The following CCDC178 variants were observed in gnomAD, a reference collection of about 807,000 sequenced individuals.
CCDC178 encodes coiled-coil domain-containing protein 178.
In CCDC178, 126 loss-of-function variants were observed where a neutral mutation model predicts 117.4. The observed-to-expected ratio is 1.07, with a 90% confidence interval of 0.93 to 1.24. The LOEUF (loss-of-function observed/expected upper bound fraction) is 1.24, where lower values mean the gene tolerates loss of function less well. Among genes scored for constraint, CCDC178 ranks in the 50% most tolerant of loss-of-function variants. The pLI is 0.00. For synonymous variants in CCDC178, 283 were observed against 313.4 expected (o/e 0.90, Z 1.02); for missense variants, 1,030 against 986.9 (o/e 1.04, Z -0.59).
intron 11 of CCDC178, among the ~76,000 whole-genome samples, chr18:33,313,728 C>T (rs1184820042): frequency 6.6e-6 from 1 of 152,110 alleles, no homozygotes; most frequent in Non-Finnish European, 1.5e-5. Flanking sequence ...CCTTAATACC[C>T]ACCCTGCATG....
intron 15 of CCDC178, among the ~76,000 whole-genome samples, chr18:33,238,319 A>G (rs1177358860): frequency 1.3e-5 from 2 of 152,162 alleles, no homozygotes; most frequent in African/African-American, 2.4e-5. Flanking sequence ...AAAGAAATAT[A>G]TAAAATGCCA....
intron 20 of CCDC178, among the ~76,000 whole-genome samples, chr18:33,103,731 T>C (rs2057663154): frequency 6.6e-6 from 1 of 151,756 alleles, no homozygotes; most frequent in East Asian, 1.9e-4. Context: ...AAGTGGTTCA[T>C]AGAGGTCTTG....
chr18:33,261,174 C>T (rs112522674), intron 14 of CCDC178, among the ~76,000 whole-genome samples: 8 of 152,078 alleles, frequency 5.3e-5, no homozygotes, highest in Non-Finnish European at 1.0e-4. Flanking sequence ...AGCTCCGCCT[C>T]CTGGGTTCAC....
intron 21 of CCDC178, among the ~76,000 whole-genome samples, chr18:33,089,921 A>T (rs1022941805): frequency 6.6e-6 from 1 of 152,102 alleles, no homozygotes; most frequent in African/African-American, 2.4e-5. Context: ...TAATTTTGAC[A>T]TCTGAGAAGT....
intron 12 of CCDC178, among the ~76,000 whole-genome samples, chr18:33,271,906 A>G (rs540742458): frequency 6.6e-6 from 1 of 151,702 alleles, no homozygotes; most frequent in East Asian, 1.9e-4. Context: ...TATTGGATGA[A>G]GTTAGAGCAG....
At chr18:33,357,694 C>T (rs1485979248) in intron 6 of CCDC178, among the ~76,000 whole-genome samples, 1 of 151,980 alleles carries the variant, frequency 6.6e-6, no homozygotes, top group East Asian at 1.9e-4. Flanking sequence ...ATCAAAAATG[C>T]AAAACCAGAA....
At position 33,308,227 on chromosome 18, in the gene CCDC178, G is replaced by A. The variant is rs115775041; in HGVS notation, c.1023-14915C>T. ...GGTGTGGAGCTGCCCAAGGCCATGGGAGGCCACCTCTTGCAACAGCATGCC... is the reference window on the plus strand; with the variant it reads ...GGTGTGGAGCTGCCCAAGGCCATGGAAGGCCACCTCTTGCAACAGCATGCC... On this transcript the variant is annotated intron_variant, in intron 11 of 22. Transcript: ENST00000383096. Among the ~76,000 whole-genome samples the A allele has an allele frequency of 2.4e-3, 368 of 152,350 alleles. 2 individuals carry two copies. Among genetic ancestry groups the A allele is most frequent in the African/African-American group, 8.2e-3 (342 of 41,588 alleles).
intron 21 of CCDC178, among the ~76,000 whole-genome samples, chr18:32,997,994 G>A (rs1463819186): frequency 1.3e-5 from 2 of 152,184 alleles, no homozygotes; most frequent in African/African-American, 2.4e-5. Context: ...CACACAAAAT[G>A]TACCTTCATA....
At chr18:33,260,940 C>A (rs1200440844) in intron 14 of CCDC178, among the ~76,000 whole-genome samples, 1 of 151,966 alleles carries the variant, frequency 6.6e-6, no homozygotes, top group African/African-American at 2.4e-5. Flanking sequence ...ACATGAGTAA[C>A]GAGTCATTTT....
At chr18:33,137,077 G>C (rs894074896) in intron 20 of CCDC178, among the ~76,000 whole-genome samples, 3 of 152,130 alleles carry the variant, frequency 2.0e-5, no homozygotes, top group Non-Finnish European at 4.4e-5. Context: ...AGAGTTAAGA[G>C]AGTGAGAGCC....
intron 20 of CCDC178, among the ~76,000 whole-genome samples, chr18:33,177,736 T>C (rs1455749860): frequency 6.6e-6 from 1 of 152,220 alleles, no homozygotes. Context: ...GAAATATGGC[T>C]TCTTCCTCCA....
chr18:33,316,385 T>G (rs1262455937), intron 11 of CCDC178, among the ~76,000 whole-genome samples: 1 of 152,100 alleles, frequency 6.6e-6, no homozygotes, highest in Non-Finnish European at 1.5e-5. Flanking sequence ...CTGCGCTCGA[T>G]TTCTCCCCGG....
intron 21 of CCDC178, among the ~76,000 whole-genome samples, chr18:33,067,931 T>C (rs974682747): frequency 2.0e-5 from 3 of 151,876 alleles, no homozygotes; most frequent in Non-Finnish European, 2.9e-5. Context: ...CAAAAACTTC[T>C]AGAGACAAAG....
chr18:33,234,345 C>G (rs1251654867), intron 15 of CCDC178, among the ~76,000 whole-genome samples: 1 of 152,064 alleles, frequency 6.6e-6, no homozygotes, highest in Non-Finnish European at 1.5e-5. Context: ...ATAGCAGATT[C>G]CTTTCCATTC....
At chr18:33,145,615 C>T (rs1408469802) in intron 20 of CCDC178, among the ~76,000 whole-genome samples, 2 of 152,118 alleles carry the variant, frequency 1.3e-5, no homozygotes, top group African/African-American at 4.8e-5. Flanking sequence ...ATTTCTCAGC[C>T]CCACTGCAAT....
At chr18:33,373,313 G>A (rs1274988812) in intron 5 of CCDC178, among the ~76,000 whole-genome samples, 1 of 152,124 alleles carries the variant, frequency 6.6e-6, no homozygotes, top group Non-Finnish European at 1.5e-5. Flanking sequence ...CAATGCCGCT[G>A]TTTGGTGTTC....
chr18:33,032,846 T>C (rs1277875604), intron 21 of CCDC178, among the ~76,000 whole-genome samples: 1 of 152,122 alleles, frequency 6.6e-6, no homozygotes, highest in African/African-American at 2.4e-5. Context: ...TTATGGCTTA[T>C]GGAAGGAAAT....
intron 21 of CCDC178, among the ~76,000 whole-genome samples, chr18:33,059,236 T>A (rs1039544094): frequency 3.3e-5 from 5 of 152,078 alleles, no homozygotes; most frequent in African/African-American, 1.2e-4. Context: ...AGGCAGAACA[T>A]CTATTTAGGA....
At chr18:33,292,619 T>C (rs2060181849) in intron 12 of CCDC178, among the ~76,000 whole-genome samples, 1 of 152,056 alleles carries the variant, frequency 6.6e-6, no homozygotes, top group African/African-American at 2.4e-5. Context: ...GAATGCTGAA[T>C]GTTACCCTAA....
Sources: allele counts gnomAD v4.1 joint callset (sites outside exome capture counted in the v4.1 genomes callset), GRCh38; gene constraint gnomAD v4.1.1; transcripts MANE v1.5; gene names NCBI Gene and HGNC (gene_info 2026-07-23, HGNC 2026-07-21).